Variants in KIF1B observed in about 807,000 individuals in gnomAD.
The protein encoded by KIF1B is kinesin family member 1B.
In KIF1B, 76 loss-of-function variants were observed where a neutral mutation model predicts 241.9. The observed-to-expected ratio is 0.31, with a 90% CI of 0.26 to 0.38. The LOEUF (loss-of-function observed/expected upper bound fraction) is 0.38, where lower values mean the gene tolerates loss of function less well. Among genes scored for constraint, KIF1B ranks in the 10% least tolerant of loss-of-function variants. KIF1B has a pLI of 1.00. For synonymous variants in KIF1B, 750 were observed against 796.7 expected (o/e 0.94, Z 0.99); for missense variants, 1,622 against 2,271.4 (o/e 0.71, Z 5.81).
chr1:10,227,782 T>G (rs1377154806), intron 1 of KIF1B: 6 of 153,932 alleles, frequency 3.9e-5, no homozygotes, highest in Admixed American at 3.3e-4. Flanking sequence ...CACTTCAGCC[T>G]GGGTGACAAG....
chr1:10,334,732 C>G, intron 28 of KIF1B, 94 bp downstream of exon 28: 3 of 942,814 alleles, frequency 3.2e-6, no homozygotes, highest in Non-Finnish European at 5.2e-6. Context: ...ATTACACATA[C>G]AAACTGTGGG....
At position 10,342,160 on chromosome 1, in the gene KIF1B, G is replaced by A; in HGVS notation, c.3624G>A (p.Glu1208=). 4 of 1,598,762 alleles carry A rather than the reference G, an allele frequency of 2.5e-6. No homozygotes were observed. The highest frequency in any genetic ancestry group is 2.2e-5 in the East Asian group (1 of 44,804). The change falls in exon 33 of 49, where the codon GAG becomes GAA. Residue 1208 remains glutamate (E), a synonymous_variant. Transcript: ENST00000676179. ...ACCCACTTCATCTGCAAGGACAGGAGCTTAACAGGTTTGGACCAGATAAGC... is the reference window on the plus strand; with the variant it reads ...ACCCACTTCATCTGCAAGGACAGGAACTTAACAGGTTTGGACCAGATAAGC... The part of the protein sequence containing the change: ...QQHPLHLQGQ[E]LNSPPQPCRR...
intron 1 of KIF1B, among the ~76,000 whole-genome samples, chr1:10,225,596 A>G (rs1646899380): frequency 6.6e-6 from 1 of 152,260 alleles, no homozygotes; most frequent in Non-Finnish European, 1.5e-5. Flanking sequence ...GACTTTAGAC[A>G]GGAGCAAGTG....
chr1:10,362,030 TATTAC>T (rs1257243180), intron 40 of KIF1B, among the ~76,000 whole-genome samples: 1 of 152,200 alleles, frequency 6.6e-6, no homozygotes, highest in African/African-American at 2.4e-5. Flanking sequence ...AAGGAAGGAA[TATTAC>T]ATTGTGAACA....
In KIF1B at chr1:10,297,148, A is replaced by AT. The variant is rs58344165; in HGVS notation, c.2043-9dup. On this transcript the variant is annotated intron_variant, in intron 21 of 48. Coordinates refer to ENST00000676179, the MANE Select transcript of KIF1B (RefSeq NM_001365951.3). Reference sequence around the variant, plus strand: ...CATGTAATACTAATAGCATTCTTGAATTTTTTTTTTTTTTTTTACTTCTAG... The same window carrying AT: ...CATGTAATACTAATAGCATTCTTGAATTTTTTTTTTTTTTTTTTACTTCTAG... The AT allele has an allele frequency of 0.086, 129,110 of 1,500,148 alleles. 153 individuals carry two copies. The highest frequency in any genetic ancestry group is 0.1 in the Non-Finnish European group (108,572 of 1,088,862). 92.9% of individuals were successfully genotyped at this position (1,500,148 alleles called of 1,614,324 possible). A position where few individuals can be genotyped will look rare whatever the true frequency, so the allele number is the denominator to read the frequency against.
intron 1 of KIF1B, among the ~76,000 whole-genome samples, chr1:10,212,924 ATATATATAC>A: frequency 9.0e-6 from 1 of 110,522 alleles, no homozygotes; most frequent in South Asian, 2.6e-4. Context: ...ATATATATAT[ATATATATAC>A]ACACACACAT....
At chr1:10,240,118 G>A (rs113472082) in intron 2 of KIF1B, among the ~76,000 whole-genome samples, 8,021 of 152,240 alleles carry the variant, frequency 0.053, 326 homozygotes, top group Middle Eastern at 0.13. Flanking sequence ...TGGCCAGGCT[G>A]GTCTTGAACT....
intron 14 of KIF1B, among the ~76,000 whole-genome samples, chr1:10,281,779 A>G (rs1463510599): frequency 6.6e-6 from 1 of 152,250 alleles, no homozygotes; most frequent in African/African-American, 2.4e-5. Context: ...GTTGCCATAC[A>G]AAGCATACTA....
At position 10,365,976 on chromosome 1, in the gene KIF1B, A is replaced by G. The variant is rs1638559913; in HGVS notation, c.4752+328A>G. Reference sequence around the variant, plus strand: ...CCAGGCATGGTGGCTCACACCTGTAATCCCAGCACTTTGCAGGGCTGAGGC... The same window carrying G: ...CCAGGCATGGTGGCTCACACCTGTAGTCCCAGCACTTTGCAGGGCTGAGGC... On this transcript the variant is annotated intron_variant, in intron 43 of 48. Transcript: ENST00000676179. The surrounding 1 kb of genome is among the most constrained non-coding windows in gnomAD (Gnocchi z 4.0). Among the ~76,000 whole-genome samples the G allele has an allele frequency of 6.6e-6, 1 of 152,202 alleles. No homozygotes were observed. Among genetic ancestry groups the G allele is most frequent in the Non-Finnish European group, 1.5e-5 (1 of 68,036 alleles).
intron 22 of KIF1B, among the ~76,000 whole-genome samples, chr1:10,315,282 A>AT (rs1651256477): frequency 7.0e-6 from 1 of 142,946 alleles, no homozygotes; most frequent in African/African-American, 2.7e-5. Flanking sequence ...GGTTGAAGTG[A>AT]TTCTCCCGCC....
rs781665103 is a variant in KIF1B, at chr1:10,365,071, A to C, written c.4367-29A>C. On this transcript the variant is annotated intron_variant, in intron 41 of 48. Transcript: ENST00000676179. This position sits in a 1 kb window ranked among gnomAD's most constrained non-coding sequence, Gnocchi z 4.0. ...AACTTGGAATTGAATTTTTTTTCTG[A>C]AACAAAAACTTGTTTCCTCTTGTCT... is the stretch of plus-strand genomic sequence containing the variant. The C allele has an allele frequency of 6.2e-7, 1 of 1,607,500 alleles. No individual in the cohort carries two copies. The highest frequency in any genetic ancestry group is 1.7e-5 in the Admixed American group (1 of 59,108).
chr1:10,366,179 C>T (rs751960144), intron 43 of KIF1B, among the ~76,000 whole-genome samples: 1 of 151,864 alleles, frequency 6.6e-6, no homozygotes, highest in African/African-American at 2.4e-5. Context: ...TGCAGTGAGC[C>T]GAGATAGCTC....
At chr1:10,263,249 A>T (rs1229130444) in intron 5 of KIF1B, among the ~76,000 whole-genome samples, 1 of 150,908 alleles carries the variant, frequency 6.6e-6, no homozygotes, top group Non-Finnish European at 1.5e-5. Context: ...ATGCCAGTGC[A>T]CCCCAGCCTG....
intron 17 of KIF1B, 52 bp downstream of exon 17, chr1:10,292,174 C>T (rs950793972): frequency 2.2e-5 from 31 of 1,413,330 alleles, no homozygotes; most frequent in Non-Finnish European, 3.0e-5. Flanking sequence ...TTTTGTTTGT[C>T]TTTGTTACTG....
chr1:10,240,525 C>T (rs1361020141), intron 2 of KIF1B, among the ~76,000 whole-genome samples: 2 of 152,040 alleles, frequency 1.3e-5, no homozygotes, highest in Admixed American at 1.3e-4. Flanking sequence ...TTTTTAATTC[C>T]ATAGTGATCT....
Position 10,252,533 on chromosome 1 carries a change from C to T in KIF1B, c.107-3714C>T, listed in dbSNP as rs543838372. 6.6e-5 allele frequency among the ~76,000 whole-genome samples: 10 copies of T among 150,852 alleles called. No homozygotes were observed. In the South Asian group the frequency reaches 1.7e-3, roughly 25 times the overall value. ...CTCAGGTGATCTTCCTACCTAAGCCCCCTGAGTAGCTGGGAGTGCAGGCAC... is the reference window on the plus strand; with the variant it reads ...CTCAGGTGATCTTCCTACCTAAGCCTCCTGAGTAGCTGGGAGTGCAGGCAC... On this transcript the variant is annotated intron_variant, in intron 2 of 48. Coordinates refer to ENST00000676179, the MANE Select transcript of KIF1B (RefSeq NM_001365951.3).
chr1:10,308,820 A>G (rs1650948387), intron 22 of KIF1B, among the ~76,000 whole-genome samples: 1 of 152,200 alleles, frequency 6.6e-6, no homozygotes, highest in African/African-American at 2.4e-5. Context: ...TTTCAGCCCT[A>G]TTTTATGCCA....
chr1:10,268,293 T>C lies in KIF1B; in HGVS notation c.720+30T>C, dbSNP rs750432333. 6 of 1,406,672 alleles carry C rather than the reference T, an allele frequency of 4.3e-6. No individual in the cohort carries two copies. In the South Asian group the frequency reaches 6.9e-5, roughly 16 times the overall value. 87.1% of individuals were successfully genotyped at this position (1,406,672 alleles called of 1,614,324 possible). On this transcript the variant is annotated intron_variant, in intron 7 of 48. Transcript: ENST00000676179. ...GAGAGTTTCAGTCTCTAGGCTTGAG[T>C]TGTGAAGGATGGAGATTTTGAGAAG...
intron 31 of KIF1B, 74 bp from the exon 32 acceptor site, chr1:10,339,695 T>C (rs753193099): frequency 1.6e-6 from 2 of 1,214,436 alleles, no homozygotes; most frequent in Non-Finnish European, 2.4e-6. Context: ...AGGATCCACA[T>C]TGGGCTCTTG....
Sources: allele counts gnomAD v4.1 joint callset (sites outside exome capture counted in the v4.1 genomes callset), GRCh38; gene constraint gnomAD v4.1.1; non-coding constraint Gnocchi (gnomAD v3.1); transcripts MANE v1.5; gene names NCBI Gene and HGNC (gene_info 2026-07-23, HGNC 2026-07-21).